DBH: variants seen among roughly 807,000 people sequenced by gnomAD.
DBH encodes dopamine beta-hydroxylase (dopamine beta-monooxygenase).
DBH carries 49 observed loss-of-function variants against 64.0 expected under a neutral mutation model. That is an observed-to-expected ratio of 0.77 (90% CI 0.61 to 0.97). The LOEUF (loss-of-function observed/expected upper bound fraction) is 0.97. DBH is among the 50% of genes least tolerant of loss of function. DBH has a pLI of 0.00. For synonymous variants in DBH, 343 were observed against 347.1 expected, an observed-to-expected ratio of 0.99 and a Z score of 0.13; for missense variants, 828 against 826.6, an observed-to-expected ratio of 1.00 and a Z score of -0.02.
At position 133,648,128 on chromosome 9, in the gene DBH, T is replaced by C. The variant is rs979374622; in HGVS notation, c.1191+116T>C. Reference sequence around the variant, plus strand: ...GCACAGCTTTGGTTTCCCCTGACCCTGAATCCCCCTGCGGTCCTCCCTCTT... The same window carrying C: ...GCACAGCTTTGGTTTCCCCTGACCCCGAATCCCCCTGCGGTCCTCCCTCTT... On this transcript the variant is annotated intron_variant, in intron 6 of 11. Coordinates refer to ENST00000393056, the MANE Select transcript of DBH (RefSeq NM_000787.4). 4.9e-6 allele frequency: 6 copies of C among 1,212,380 alleles called. No individual in the cohort carries two copies. The African/African-American group carries it at 6.0e-5, about 12-fold the overall frequency. 75.1% of individuals were successfully genotyped at this position (1,212,380 alleles called of 1,614,324 possible).
intron 6 of DBH, among the ~76,000 whole-genome samples, chr9:133,650,447 T>C (rs1832232382): frequency 6.7e-6 from 1 of 149,896 alleles, no homozygotes; most frequent in African/African-American, 2.5e-5. Flanking sequence ...CTTTCCTTCT[T>C]TTCTTTCCTT....
At chr9:133,640,044 T>A in intron 2 of DBH, 52 bp downstream of exon 2, 1 of 1,596,994 alleles carries the variant, frequency 6.3e-7, no homozygotes, top group Non-Finnish European at 8.6e-7. Flanking sequence ...TGTATCATGC[T>A]GCCATCCTGT....
intron 2 of DBH, 147 bp from the exon 3 acceptor site, chr9:133,642,060 G>C (rs1832121985): frequency 8.7e-7 from 1 of 1,149,440 alleles, no homozygotes; most frequent in African/African-American, 1.5e-5. Flanking sequence ...CCAGGGCCAT[G>C]CAAGCCTCAA....
At position 133,642,350 on chromosome 9, in the gene DBH, C is replaced by T. The variant is rs111866707; in HGVS notation, c.630C>T (p.Asp210=). The T allele has an allele frequency of 1.9e-5, 30 of 1,614,060 alleles. No individual in the cohort carries two copies. The highest frequency in any genetic ancestry group is 3.3e-4 in the Middle Eastern group (2 of 6,084). The change falls in exon 3 of 12, where the codon GAC becomes GAT. Residue 210 remains aspartate, a synonymous_variant. Transcript: ENST00000393056. ...TCCCCGAACCGGAGTTGCCCTCAGA[C>T]GCGTGCACCATGGAGGTCCAAGCTC... is the stretch of plus-strand genomic sequence containing the variant. ...PNIPEPELPS[D]ACTMEVQAPN...
chr9:133,637,904 C>T (rs1329336532), intron 1 of DBH, among the ~76,000 whole-genome samples: 1 of 152,238 alleles, frequency 6.6e-6, no homozygotes, highest in African/African-American at 2.4e-5. Context: ...CACTCTGTGG[C>T]TCAGGTTCCA....
At chr9:133,653,702 A>C (rs946070649) in intron 9 of DBH, among the ~76,000 whole-genome samples, 6 of 152,220 alleles carry the variant, frequency 3.9e-5, no homozygotes, top group Non-Finnish European at 8.8e-5. Flanking sequence ...GACTGCAGAC[A>C]GTTCAAGGAG....
chr9:133,651,617 GC>G lies in DBH; in HGVS notation c.1192-11del, dbSNP rs756493507. 4.3e-6 allele frequency: 7 copies of G among 1,612,762 alleles called. No homozygotes were observed. The South Asian group carries it at 7.7e-5, about 18-fold the overall frequency. ...TCGGGGGTCAGGCCCTGACACTGCA[GC>G]CCCCCGACCCCACAGGCACTGCCTC... On this transcript the variant is annotated splice_polypyrimidine_tract_variant and intron_variant, in intron 6 of 11. Coordinates refer to ENST00000393056, the MANE Select transcript of DBH (RefSeq NM_000787.4).
chr9:133,657,453 A>AGAGAGG (rs1214918351), intron 11 of DBH: 23 of 255,618 alleles, frequency 9.0e-5, no homozygotes, highest in Admixed American at 4.0e-4. Flanking sequence ...GAGAGAGAGG[A>AGAGAGG]GAGAGGGAGA....
intron 11 of DBH, among the ~76,000 whole-genome samples, chr9:133,657,497 GGA>G (rs149061808): frequency 6.9e-4 from 98 of 142,900 alleles, no homozygotes; most frequent in East Asian, 2.0e-3. Context: ...GAGAGAGAGA[GGA>G]GAGAGAGAGA....
Position 133,657,064 on chromosome 9 carries a change from C to T in DBH, c.1563-6C>T, listed in dbSNP as rs2073832. ...CCCCAGCCTGGCTGTTCCTTGTCCC[C>T]ACCAGGTTCAACAACGAGGATGTCT... On this transcript the variant is annotated splice_polypyrimidine_tract_variant and splice_region_variant and intron_variant, in intron 10 of 11. Coordinates refer to ENST00000393056, the MANE Select transcript of DBH (RefSeq NM_000787.4). 8.7e-6 allele frequency: 14 copies of T among 1,613,702 alleles called. No individual in the cohort carries two copies. The highest frequency in any genetic ancestry group is 6.7e-5 in the Admixed American group (4 of 60,014).
chr9:133,641,747 G>A (rs1832118551), intron 2 of DBH, among the ~76,000 whole-genome samples: 1 of 152,162 alleles, frequency 6.6e-6, no homozygotes, highest in African/African-American at 2.4e-5. Flanking sequence ...ATATAGCGTG[G>A]CTCCGCAGCT....
In DBH at chr9:133,642,264, G is replaced by A; in HGVS notation, c.544G>A (p.Ala182Thr). 2 of 1,614,034 alleles carry A rather than the reference G, an allele frequency of 1.2e-6. No homozygotes were observed. Among genetic ancestry groups the A allele is most frequent in the Non-Finnish European group, 1.7e-6 (2 of 1,180,030 alleles). ...GGAGGAGCCGTTCCGGTCACTGGAG[G>A]CCATCAACGGCTCGGGCCTGCAGAT... ...ILEEPFRSLEAINGSGLQMGL... is the reference protein window; with the variant it reads ...ILEEPFRSLETINGSGLQMGL... Residue 182 changes from alanine (A) to threonine (T), a missense_variant, in exon 3 of 12, where the codon GCC becomes ACC. By Grantham distance (58) the Ala-to-Thr change is moderately conservative. Coordinates refer to ENST00000393056, the MANE Select transcript of DBH (RefSeq NM_000787.4).
At chr9:133,652,188 C>CTGG in intron 7 of DBH, 58 bp from the exon 8 acceptor site, 1 of 1,603,860 alleles carries the variant, frequency 6.2e-7, no homozygotes. Flanking sequence ...GGCCGGGGGT[C>CTGG]TGGTCTGCAG....
rs2131281246 is a variant in DBH at position 133,636,593 on chromosome 9, C to T, written c.222C>T (p.Phe74=). ...GCTACACCCAGGAGGCCATCCATTT[C>T]CAGCTCCTGGTGCGGAGGCTCAAGG... ...NVSYTQEAIH[F]QLLVRRLKAG... The change falls in exon 1 of 12, where the codon TTC becomes TTT. Residue 74 remains phenylalanine, a synonymous_variant. Coordinates refer to ENST00000393056, the MANE Select transcript of DBH (RefSeq NM_000787.4). 1.9e-6 allele frequency: 3 copies of T among 1,613,830 alleles called. No individual in the cohort carries two copies. The highest frequency in any genetic ancestry group is 2.5e-6 in the Non-Finnish European group (3 of 1,180,028).
In DBH at chr9:133,658,493, C is replaced by T; in HGVS notation, c.*46C>T. 3 of 1,555,812 alleles carry T rather than the reference C, an allele frequency of 1.9e-6. No homozygotes were observed. The highest frequency in any genetic ancestry group is 2.6e-6 in the Non-Finnish European group (3 of 1,149,578). On this transcript the variant is annotated 3_prime_UTR_variant, in exon 12 of 12. Transcript: ENST00000393056. ...CTCCTCCATGCTGTCCCTGTGGGCT[C>T]ACACCGGCACTGTGCACTCTACTCT...
intron 6 of DBH, among the ~76,000 whole-genome samples, chr9:133,650,491 T>TTTTC (rs1832234675): frequency 7.0e-6 from 1 of 143,552 alleles, no homozygotes; most frequent in African/African-American, 2.9e-5. Flanking sequence ...TTTTTCTTTC[T>TTTTC]TTTCTTTCCT....
chr9:133,651,179 C>A (rs1832243735), intron 6 of DBH, among the ~76,000 whole-genome samples: 1 of 152,248 alleles, frequency 6.6e-6, no homozygotes, highest in African/African-American at 2.4e-5. Flanking sequence ...CCTGCTCGGC[C>A]CACCACGTAG....
At chr9:133,652,372 C>A in intron 8 of DBH, 88 bp downstream of exon 8, 1 of 1,497,644 alleles carries the variant, frequency 6.7e-7, no homozygotes, top group Non-Finnish European at 9.2e-7. Context: ...AGGAGAGGGA[C>A]ACAGAAAGTG....
At chr9:133,645,233 C>T (rs1002435367) in intron 5 of DBH, among the ~76,000 whole-genome samples, 3 of 125,846 alleles carry the variant, frequency 2.4e-5, no homozygotes, top group East Asian at 2.0e-4. Flanking sequence ...AGCTAACAGT[C>T]GCCTGTGGTT....
Sources: allele counts gnomAD v4.1 joint callset (sites outside exome capture counted in the v4.1 genomes callset), GRCh38; gene constraint gnomAD v4.1.1; transcripts MANE v1.5; gene names NCBI Gene and HGNC (gene_info 2026-07-23, HGNC 2026-07-21).